TTC28: variants seen among roughly 807,000 people sequenced by gnomAD.
TTC28 encodes the protein tetratricopeptide repeat domain 28.
In TTC28, 61 loss-of-function variants were observed where a neutral mutation model predicts 198.0. The ratio of observed to expected loss-of-function variants is 0.31; its 90% confidence interval spans 0.25 to 0.38. The LOEUF is 0.38. Ranked by LOEUF, TTC28 falls within the 10% of genes least tolerant of loss-of-function variation. TTC28 has a pLI of 1.00. For synonymous variants in TTC28, 1,171 were observed against 1,297.8 expected (o/e 0.90, Z 2.10); for missense variants, 2,678 against 3,164.0 (o/e 0.85, Z 3.69).
chr22:28,671,820 C>T (rs974316965), intron 1 of TTC28, among the ~76,000 whole-genome samples: 7 of 151,232 alleles, frequency 4.6e-5, no homozygotes, highest in African/African-American at 1.2e-4. Context: ...GGATTACAGG[C>T]GCCTGCCACC....
rs189767105 is a variant in TTC28 at position 28,031,553 on chromosome 22, G to T, written c.3933-1187C>A. ...AGAAGAATAAGGCTTGGTGCATACA[G>T]ATTTGGGTTTAGGACAAACATGACC... is the stretch of plus-strand genomic sequence containing the variant. On this transcript the variant is annotated intron_variant, in intron 12 of 22. Transcript: ENST00000397906. 2.0e-5 allele frequency among the ~76,000 whole-genome samples: 3 copies of T among 152,294 alleles called. No homozygotes were observed. In the East Asian group the frequency reaches 5.8e-4, roughly 29 times the overall value.
chr22:28,086,533 T>C (rs1330159025), intron 12 of TTC28, among the ~76,000 whole-genome samples: 2 of 152,170 alleles, frequency 1.3e-5, no homozygotes, highest in Non-Finnish European at 2.9e-5. Context: ...GGGACATTTA[T>C]AGCACTAAAT....
chr22:28,291,348 C>A (rs985720630), intron 5 of TTC28, among the ~76,000 whole-genome samples: 1 of 151,912 alleles, frequency 6.6e-6, no homozygotes, highest in Non-Finnish European at 1.5e-5. Context: ...AGAATCAGAC[C>A]AATACAAAAT....
intron 12 of TTC28, among the ~76,000 whole-genome samples, chr22:28,044,439 TTTC>T (rs1939782089): frequency 6.6e-6 from 1 of 152,078 alleles, no homozygotes; most frequent in Non-Finnish European, 1.5e-5. Context: ...TTAAGAGCAT[TTTC>T]TTTTCTTTTT....
chr22:28,623,423 C>A (rs1330061466), intron 2 of TTC28, among the ~76,000 whole-genome samples: 3 of 152,064 alleles, frequency 2.0e-5, no homozygotes, highest in African/African-American at 7.2e-5. Flanking sequence ...GGATAAATAG[C>A]CAATTCCAAA....
At chr22:28,532,884 A>G (rs191946942) in intron 2 of TTC28, among the ~76,000 whole-genome samples, 63 of 152,290 alleles carry the variant, frequency 4.1e-4, no homozygotes, top group African/African-American at 1.4e-3. Flanking sequence ...CTCTCAATAA[A>G]CTAGGTATTG....
chr22:28,017,525 G>C (rs1486642889), intron 13 of TTC28, among the ~76,000 whole-genome samples: 2 of 152,052 alleles, frequency 1.3e-5, no homozygotes, highest in Non-Finnish European at 2.9e-5. Flanking sequence ...GGACAAAGTG[G>C]AGGAGGTCAT....
chr22:28,176,729 T>A (rs997986662), intron 5 of TTC28, among the ~76,000 whole-genome samples: 2 of 152,194 alleles, frequency 1.3e-5, no homozygotes, highest in African/African-American at 4.8e-5. Flanking sequence ...ATACATTTTT[T>A]AATGAGAATT....
chr22:28,134,472 C>A (rs941272556), intron 6 of TTC28, among the ~76,000 whole-genome samples: 1 of 152,122 alleles, frequency 6.6e-6, no homozygotes, highest in Non-Finnish European at 1.5e-5. Flanking sequence ...AAAGATTAGA[C>A]GAATGGCTAA....
At chr22:28,085,044 C>T (rs1354800384) in intron 12 of TTC28, among the ~76,000 whole-genome samples, 1 of 152,070 alleles carries the variant, frequency 6.6e-6, no homozygotes, top group South Asian at 2.1e-4. Context: ...ATTGGTGTAC[C>T]TGAAAGTCAT....
At chr22:28,283,276 C>T (rs879509020) in intron 5 of TTC28, among the ~76,000 whole-genome samples, 1 of 152,176 alleles carries the variant, frequency 6.6e-6, no homozygotes, top group East Asian at 1.9e-4. Context: ...ACCCACTCTC[C>T]TGTACTATTA....
chr22:28,661,619 T>TG (rs1468357568), intron 1 of TTC28, among the ~76,000 whole-genome samples: 37 of 151,958 alleles, frequency 2.4e-4, no homozygotes, highest in African/African-American at 8.9e-4. Flanking sequence ...AGTTTTGTTT[T>TG]TTTTTTTGAG....
At chr22:28,673,144 G>A (rs1439848525) in intron 1 of TTC28, among the ~76,000 whole-genome samples, 1 of 152,166 alleles carries the variant, frequency 6.6e-6, no homozygotes, top group Non-Finnish European at 1.5e-5. Flanking sequence ...GGAGGCTGAG[G>A]CGGGCGGATC....
chr22:28,307,952 C>T (rs939692974), intron 2 of TTC28, among the ~76,000 whole-genome samples: 9 of 152,040 alleles, frequency 5.9e-5, no homozygotes, highest in African/African-American at 7.2e-5. Flanking sequence ...AAGCACCTTT[C>T]GTGTTTACAA....
chr22:28,593,308 T>C (rs2050469093), intron 2 of TTC28, among the ~76,000 whole-genome samples: 1 of 152,208 alleles, frequency 6.6e-6, no homozygotes, highest in Non-Finnish European at 1.5e-5. Flanking sequence ...ATGACTTATA[T>C]GACATTCACT....
chr22:28,224,504 T>A (rs1017027845), intron 5 of TTC28, among the ~76,000 whole-genome samples: 3 of 152,014 alleles, frequency 2.0e-5, no homozygotes, highest in African/African-American at 7.2e-5. Flanking sequence ...TCAAATAACC[T>A]CTCAAGAATT....
intron 5 of TTC28, among the ~76,000 whole-genome samples, chr22:28,254,525 G>A (rs1159123417): frequency 6.6e-6 from 1 of 151,158 alleles, no homozygotes; most frequent in Admixed American, 6.6e-5. Flanking sequence ...ATAAGAGGCT[G>A]AAAAGAATTC....
intron 5 of TTC28, among the ~76,000 whole-genome samples, chr22:28,219,428 G>A (rs1927670502): frequency 6.6e-6 from 1 of 151,800 alleles, no homozygotes; most frequent in Non-Finnish European, 1.5e-5. Flanking sequence ...AGAATCGCTT[G>A]AACCTGGAGG....
At chr22:28,169,339 T>G (rs1922396202) in intron 5 of TTC28, among the ~76,000 whole-genome samples, 2 of 152,156 alleles carry the variant, frequency 1.3e-5, no homozygotes, top group East Asian at 3.8e-4. Flanking sequence ...ACCCAAAGGA[T>G]TATAAATCAT....
Sources: allele counts gnomAD v4.1 joint callset (sites outside exome capture counted in the v4.1 genomes callset), GRCh38; gene constraint gnomAD v4.1.1; transcripts MANE v1.5; gene names NCBI Gene and HGNC (gene_info 2026-07-23, HGNC 2026-07-21).